INPP4B: variants seen among roughly 807,000 people sequenced by gnomAD.
The protein encoded by INPP4B is inositol polyphosphate-4-phosphatase type II B.
Under a neutral mutation model 122.5 loss-of-function variants are expected in INPP4B, and 55 were observed. That is an observed-to-expected ratio of 0.45 (90% CI 0.36 to 0.56). INPP4B has a LOEUF of 0.56. Ranked by LOEUF, INPP4B falls within the 20% of genes least tolerant of loss-of-function variation. The probability of loss-of-function intolerance (pLI) is 0.00; values close to 1 mark genes in which losing one functional copy is unlikely to be tolerated. For missense variants in INPP4B, 1,000 were observed against 1,097.7 expected (o/e 0.91, Z 1.26); for synonymous variants, 403 against 388.7 (o/e 1.04, Z -0.43).
intron 2 of INPP4B, among the ~76,000 whole-genome samples, chr4:142,621,622 T>C (rs180796941): frequency 1.2e-3 from 190 of 152,090 alleles, no homozygotes; most frequent in African/African-American, 4.5e-3. Flanking sequence ...TCTGAGAGAT[T>C]TGACAAGCAT....
intron 2 of INPP4B, among the ~76,000 whole-genome samples, chr4:142,505,907 T>A (rs1356496591): frequency 6.6e-6 from 1 of 152,342 alleles, no homozygotes; most frequent in East Asian, 1.9e-4. Flanking sequence ...ATTCCTGCAA[T>A]GCCTACTCAA....
At chr4:142,784,942 G>A (rs1444451541) in intron 1 of INPP4B, among the ~76,000 whole-genome samples, 1 of 151,986 alleles carries the variant, frequency 6.6e-6, no homozygotes, top group Non-Finnish European at 1.5e-5. Context: ...ACTTGTGGAG[G>A]TAACAGCCCA....
chr4:142,142,482 A>AGGATAAAATGAAT (rs1808385555), intron 18 of INPP4B, among the ~76,000 whole-genome samples: 1 of 152,038 alleles, frequency 6.6e-6, no homozygotes, highest in South Asian at 2.1e-4. Context: ...ATAAAATGAA[A>AGGATAAAATGAAT]CCAGGTTTCT....
intron 1 of INPP4B, among the ~76,000 whole-genome samples, chr4:142,808,697 T>A (rs1446238448): frequency 6.6e-6 from 1 of 152,166 alleles, no homozygotes; most frequent in African/African-American, 2.4e-5. Flanking sequence ...TTCATGTAAT[T>A]TATGATCAGA....
intron 2 of INPP4B, among the ~76,000 whole-genome samples, chr4:142,678,749 A>C (rs1758166481): frequency 6.6e-6 from 1 of 151,976 alleles, no homozygotes; most frequent in Non-Finnish European, 1.5e-5. Context: ...AAATGGCTTC[A>C]TCTTAAACAT....
At chr4:142,101,880 T>C (rs1365846562) in intron 23 of INPP4B, among the ~76,000 whole-genome samples, 3 of 152,136 alleles carry the variant, frequency 2.0e-5, no homozygotes, top group Admixed American at 6.6e-5. Context: ...CTCTCCTGTG[T>C]TGGAAAAATT....
chr4:142,787,750 C>T (rs1422498878), intron 1 of INPP4B, among the ~76,000 whole-genome samples: 2 of 151,568 alleles, frequency 1.3e-5, no homozygotes, highest in Non-Finnish European at 1.5e-5. Flanking sequence ...TAGTGACTGC[C>T]CTCCAAAAAA....
At chr4:142,256,619 T>C (rs933391732) in intron 11 of INPP4B, among the ~76,000 whole-genome samples, 117 of 152,246 alleles carry the variant, frequency 7.7e-4, no homozygotes, top group African/African-American at 2.6e-3. Flanking sequence ...AATGGATAAA[T>C]TGCTCAACAC....
chr4:142,227,811 T>C (rs1326921159), intron 12 of INPP4B, among the ~76,000 whole-genome samples: 1 of 116,690 alleles, frequency 8.6e-6, no homozygotes, highest in African/African-American at 3.4e-5. Context: ...TGAGCCAAGA[T>C]CACACCACTA....
At chr4:142,695,680 G>T (rs990432843) in intron 2 of INPP4B, among the ~76,000 whole-genome samples, 1 of 152,150 alleles carries the variant, frequency 6.6e-6, no homozygotes, top group African/African-American at 2.4e-5. Context: ...CAACAGATAC[G>T]ATTTAATAAA....
intron 1 of INPP4B, among the ~76,000 whole-genome samples, chr4:142,820,839 G>T (rs1386698208): frequency 2.0e-5 from 3 of 152,024 alleles, no homozygotes; most frequent in Non-Finnish European, 2.9e-5. Context: ...TGCTTTTCTT[G>T]TTTGTTTTTA....
intron 7 of INPP4B, among the ~76,000 whole-genome samples, chr4:142,358,581 C>G (rs141763586): frequency 6.7e-6 from 1 of 150,126 alleles, no homozygotes; most frequent in South Asian, 2.1e-4. Context: ...AAAACTGCTA[C>G]GCCTAGGCTA....
chr4:142,544,114 T>C (rs1440912219), intron 2 of INPP4B, among the ~76,000 whole-genome samples: 2 of 3,812 alleles, frequency 5.2e-4, no homozygotes, highest in Non-Finnish European at 2.2e-3. Context: ...GCACAAATAC[T>C]GCATGGTGTG....
At chr4:142,114,740 TC>T (rs1792136341) in intron 21 of INPP4B, among the ~76,000 whole-genome samples, 1 of 152,084 alleles carries the variant, frequency 6.6e-6, no homozygotes, top group African/African-American at 2.4e-5. Flanking sequence ...TTAATGGTGT[TC>T]TTTTGATGCT....
chr4:142,717,258 G>C (rs541686887), intron 2 of INPP4B, among the ~76,000 whole-genome samples: 1 of 152,306 alleles, frequency 6.6e-6, no homozygotes, highest in East Asian at 1.9e-4. Flanking sequence ...AAACTGACTT[G>C]ATGGAATTCA....
intron 1 of INPP4B, among the ~76,000 whole-genome samples, chr4:142,796,195 T>C (rs1425492625): frequency 6.6e-6 from 1 of 151,954 alleles, no homozygotes; most frequent in Non-Finnish European, 1.5e-5. Flanking sequence ...GAATGAATGA[T>C]AGGTTGTAAA....
chr4:142,832,624 A>T (rs1425030451), intron 1 of INPP4B, among the ~76,000 whole-genome samples: 1 of 152,182 alleles, frequency 6.6e-6, no homozygotes, highest in East Asian at 1.9e-4. Context: ...TTTCCCATCA[A>T]TTGAAGCTCA....
rs754832313 is a variant in INPP4B, at chr4:142,028,438, A to G, written c.*344T>C. Reference sequence around the variant, plus strand: ...TTTGGTTGGAGAGTGGTGCTCTGTGAATCACCCCTAGTCCTATTGAAATGA... The same window carrying G: ...TTTGGTTGGAGAGTGGTGCTCTGTGGATCACCCCTAGTCCTATTGAAATGA... On this transcript the variant is annotated 3_prime_UTR_variant, in exon 26 of 26. Transcript: ENST00000262992. 4.3e-5 allele frequency: 11 copies of G among 253,710 alleles called. No individual in the cohort carries two copies. The highest frequency in any genetic ancestry group is 1.5e-4 in the South Asian group (1 of 6,504). 15.7% of individuals were successfully genotyped at this position (253,710 alleles called of 1,614,324 possible). A position where few individuals can be genotyped will look rare whatever the true frequency, so the allele number is the denominator to read the frequency against.
At chr4:142,302,950 C>T (rs1762025802) in intron 9 of INPP4B, among the ~76,000 whole-genome samples, 1 of 152,076 alleles carries the variant, frequency 6.6e-6, no homozygotes, top group South Asian at 2.1e-4. Context: ...TCGCATTTAA[C>T]TAAAGGTGAC....
Sources: allele counts gnomAD v4.1 joint callset (sites outside exome capture counted in the v4.1 genomes callset), GRCh38; gene constraint gnomAD v4.1.1; transcripts MANE v1.5; gene names NCBI Gene and HGNC (gene_info 2026-07-23, HGNC 2026-07-21).